Variants in UBXN6 observed in about 807,000 individuals in gnomAD.
UBXN6 encodes the protein UBX domain protein 6, also known as UBX domain-containing protein 6.
In UBXN6, 44 loss-of-function variants were observed where a neutral mutation model predicts 51.4. That is an observed-to-expected ratio of 0.86 (90% CI 0.67 to 1.10). The LOEUF is 1.10. Ranked by LOEUF, UBXN6 falls within the 50% of genes least tolerant of loss-of-function variation. The pLI, the probability that UBXN6 is intolerant of heterozygous loss-of-function variation, is 0.00. For synonymous variants in UBXN6, 316 were observed against 263.2 expected (o/e 1.20, Z -1.94); for missense variants, 672 against 596.1 (o/e 1.13, Z -1.32).
chr19:4,451,698 C>T (rs1055206716), intron 4 of UBXN6, among the ~76,000 whole-genome samples: 18 of 151,948 alleles, frequency 1.2e-4, no homozygotes, highest in African/African-American at 3.6e-4. Flanking sequence ...AGTGCAATGG[C>T]GCTATCTCGG....
chr19:4,446,070 C>T lies in UBXN6; in HGVS notation c.1179G>A (p.Leu393=), dbSNP rs1475983365. The part of the protein sequence containing the change: ...GGQKLSEDEN[L]ALNECGLVPS... ...TCACCAGCCCGCACTCGTTCAAGGC[C>T]AGGTTCTCGTCCTCGGACAGCTTCT... The change falls in exon 10 of 11, where the codon CTG becomes CTA. Residue 393 remains leucine, a synonymous_variant. Transcript: ENST00000301281. 1.6e-5 allele frequency: 25 copies of T among 1,612,340 alleles called. No individual in the cohort carries two copies. Among genetic ancestry groups the T allele is most frequent in the Non-Finnish European group, 2.0e-5 (24 of 1,179,716 alleles).
intron 3 of UBXN6, 59 bp from the exon 4 acceptor site, chr19:4,452,551 C>A: frequency 6.4e-7 from 1 of 1,559,534 alleles, no homozygotes. Flanking sequence ...CGACCCTCGC[C>A]GAGCACCACA....
intron 6 of UBXN6, 24 bp downstream of exon 6, chr19:4,447,526 C>T: frequency 6.2e-7 from 1 of 1,612,700 alleles, no homozygotes; most frequent in East Asian, 2.2e-5. Context: ...AGCCTGGGCC[C>T]CGGGGGCCAG....
At chr19:4,457,517 T>G in intron 1 of UBXN6, 98 bp downstream of exon 1, 1 of 912,958 alleles carries the variant, frequency 1.1e-6, no homozygotes, top group Non-Finnish European at 1.4e-6. Context: ...TCCCAGCCCC[T>G]CATCCTCTCC....
intron 10 of UBXN6, 79 bp from the exon 11 acceptor site, chr19:4,445,702 C>T (rs374388919): frequency 1.2e-5 from 19 of 1,561,132 alleles, no homozygotes; most frequent in East Asian, 2.3e-5. Flanking sequence ...GCAACCTGGG[C>T]GCGGGGATGC....
In UBXN6 at chr19:4,445,597, C is replaced by G; in HGVS notation, c.1227G>C (p.Ser409=). 2.5e-6 allele frequency: 4 copies of G among 1,613,618 alleles called. No individual in the cohort carries two copies. In the South Asian group the frequency reaches 4.4e-5, roughly 18 times the overall value. Residue 409 remains serine (S), a synonymous_variant, in exon 11 of 11, where the codon TCG becomes TCC. Transcript: ENST00000301281. ...TGTCCTCCAGCACAGCCATGTCCCACGAGAAGGTCAGGAGGGCAGAGGGCA... is the reference window on the plus strand; with the variant it reads ...TGTCCTCCAGCACAGCCATGTCCCAGGAGAAGGTCAGGAGGGCAGAGGGCA... ...GLVPSALLTF[S]WDMAVLEDIK...
rs138897797 is a variant in UBXN6 at position 4,454,009 on chromosome 19, G to T, written c.168C>A (p.Ala56=). The T allele has an allele frequency of 6.2e-7, 1 of 1,607,452 alleles. No individual in the cohort carries two copies. The highest frequency in any genetic ancestry group is 8.5e-7 in the Non-Finnish European group (1 of 1,178,416). The change falls in exon 2 of 11, where the codon GCC becomes GCA. Residue 56 remains alanine, a synonymous_variant. Coordinates refer to ENST00000301281, the MANE Select transcript of UBXN6 (RefSeq NM_025241.3). ...GCTCCAGCCGGGCTAGGGCGGCAGC[G>T]GCTGCCATCTGTGCCTCATTGGTGG... is the stretch of plus-strand genomic sequence containing the variant. ...QGPTNEAQMA[A]AAALARLEQK...
At position 4,446,115 on chromosome 19, in the gene UBXN6, C is replaced by T. The variant is rs779509236; in HGVS notation, c.1134G>A (p.Glu378=). 1 of 1,612,716 alleles carries T rather than the reference C, an allele frequency of 6.2e-7. No individual in the cohort carries two copies. The highest frequency in any genetic ancestry group is 8.5e-7 in the Non-Finnish European group (1 of 1,179,908). ...EALQSDWLPF[E]LLASGGQKLS... ...GCTTCTGCCCTCCCGAGGCCAGCAG[C>T]TCAAAAGGCAGCCAGTCGCTCTGCA... is the stretch of plus-strand genomic sequence containing the variant. Residue 378 remains glutamate (E), a synonymous_variant, in exon 10 of 11, where the codon GAG becomes GAA. Coordinates refer to ENST00000301281, the MANE Select transcript of UBXN6 (RefSeq NM_025241.3).
chr19:4,456,972 C>G (rs535113860), intron 1 of UBXN6, among the ~76,000 whole-genome samples: 2 of 152,194 alleles, frequency 1.3e-5, no homozygotes, highest in South Asian at 4.1e-4. Context: ...GCCTCCCTGG[C>G]CTTCCAGACT....
At chr19:4,457,800 A>T (rs866153949), upstream of UBXN6, 12,797 of 371,068 alleles carry the variant, frequency 0.034, 1,105 homozygotes, top group Admixed American at 0.13. Context: ...AAAATTAAAA[A>T]AAAAAAAAAA....
rs776616233 is a variant in UBXN6, at chr19:4,453,513, TC to T, written c.256del (p.Glu86AsnfsTer47). 19 of 1,613,636 alleles carry T rather than the reference TC, an allele frequency of 1.2e-5. No individual in the cohort carries two copies. Among genetic ancestry groups the T allele is most frequent in the Non-Finnish European group, 1.6e-5 (19 of 1,179,912 alleles). On this transcript the variant is annotated frameshift_variant, in exon 3 of 11. Coordinates refer to ENST00000301281, the MANE Select transcript of UBXN6 (RefSeq NM_025241.3). LOFTEE classifies it high-confidence loss of function. ...GCTGACGGTGGCTTCGGCTTGAAGT[TC>T]CTTTCTCACTGGAAGGCAGCCCAAG... is the stretch of plus-strand genomic sequence containing the variant. ...QDTIRNQVRK[E>X]LQAEATVSGS...
chr19:4,450,285 G>T (rs1260646745), intron 4 of UBXN6: 2 of 150,892 alleles, frequency 1.3e-5, no homozygotes, highest in Non-Finnish European at 2.9e-5. Flanking sequence ...TGGAAATGGG[G>T]AAGGCATTTC....
Position 4,445,469 on chromosome 19 carries a change from A to T in UBXN6, c.*29T>A. 6.2e-7 allele frequency: 1 copy of T among 1,613,256 alleles called. No individual in the cohort carries two copies. The highest frequency in any genetic ancestry group is 8.5e-7 in the Non-Finnish European group (1 of 1,179,750). On this transcript the variant is annotated 3_prime_UTR_variant, in exon 11 of 11. Coordinates refer to ENST00000301281, the MANE Select transcript of UBXN6 (RefSeq NM_025241.3). Reference sequence around the variant, plus strand: ...AACAGGGAGAGCATGAGACAGACCCACAGGGCTGAGGCCAACCCTGCTTTT... The same window carrying T: ...AACAGGGAGAGCATGAGACAGACCCTCAGGGCTGAGGCCAACCCTGCTTTT...
chr19:4,453,953 G>C lies in UBXN6; in HGVS notation c.224C>G (p.Ser75Trp). The change falls in exon 2 of 11, where the codon TCG becomes TGG. Residue 75 changes from serine to tryptophan, a missense_variant. Transcript: ENST00000301281. ...QKQSRAWGPT[S>W]QDTIRNQVRK... is the part of the protein sequence containing the mutation. ...ACCCTGGTTTCGGATGGTGTCCTGC[G>C]ATGTGGGGCCCCAGGCCCGGGACTG... is the stretch of plus-strand genomic sequence containing the variant. 1 of 1,611,018 alleles carries C rather than the reference G, an allele frequency of 6.2e-7. No homozygotes were observed. Among genetic ancestry groups the C allele is most frequent in the Non-Finnish European group, 8.5e-7 (1 of 1,179,832 alleles).
chr19:4,453,535 C>T lies in UBXN6; in HGVS notation c.248-13G>A, dbSNP rs1339486515. 2.5e-6 allele frequency: 4 copies of T among 1,613,002 alleles called. No homozygotes were observed. Among genetic ancestry groups the T allele is most frequent in the Non-Finnish European group, 3.4e-6 (4 of 1,179,736 alleles). ...AGTTCCTTTCTCACTGGAAGGCAGC[C>T]CAAGAAAGAGAGGCAGAGACGGGAT... On this transcript the variant is annotated splice_polypyrimidine_tract_variant and intron_variant, in intron 2 of 10. Coordinates refer to ENST00000301281, the MANE Select transcript of UBXN6 (RefSeq NM_025241.3).
At chr19:4,457,567 G>T in intron 1 of UBXN6, 48 bp downstream of exon 1, 1 of 1,471,528 alleles carries the variant, frequency 6.8e-7, no homozygotes. Flanking sequence ...CTCTCTCCCC[G>T]GCCGTCCCCG....
chr19:4,445,551 G>A lies in UBXN6; in HGVS notation c.1273C>T (p.Pro425Ser), dbSNP rs1974489766. The A allele has an allele frequency of 2.5e-6, 4 of 1,613,882 alleles. No individual in the cohort carries two copies. Among genetic ancestry groups the A allele is most frequent in the East Asian group, 4.5e-5 (2 of 44,880 alleles). ...LEDIKAAGAE[P>S]DSILKPELLS... is the part of the protein sequence containing the mutation. ...AGCTCGGGTTTCAGGATGGAGTCCG[G>A]CTCGGCCCCCGCGGCCTTGATGTCC... Residue 425 changes from proline to serine, a missense_variant, in exon 11 of 11, where the codon CCG becomes TCG. Pro to Ser is a moderately conservative substitution (Grantham distance 74). Transcript: ENST00000301281.
intron 4 of UBXN6, chr19:4,448,698 G>C (rs1385654345): frequency 4.3e-6 from 2 of 469,866 alleles, no homozygotes; most frequent in Non-Finnish European, 7.8e-6. Flanking sequence ...TGACGCGACA[G>C]AACTGTGCCT....
intron 10 of UBXN6, 102 bp downstream of exon 10, chr19:4,445,947 G>C: frequency 1.3e-6 from 2 of 1,493,424 alleles, no homozygotes; most frequent in Non-Finnish European, 1.8e-6. Flanking sequence ...CAGGCCCCCT[G>C]CTCTGAGAAC....
Sources: allele counts gnomAD v4.1 joint callset (sites outside exome capture counted in the v4.1 genomes callset), GRCh38; gene constraint gnomAD v4.1.1; transcripts MANE v1.5; gene names NCBI Gene and HGNC (gene_info 2026-07-23, HGNC 2026-07-21).